RBFOX1: variants seen among roughly 807,000 people sequenced by gnomAD.
RBFOX1 encodes the protein RNA binding fox-1 homolog 1.
In RBFOX1, 8 loss-of-function variants were observed where a neutral mutation model predicts 57.7. The observed-to-expected ratio is 0.14, with a 90% CI of 0.08 to 0.25. RBFOX1 has a LOEUF of 0.25. RBFOX1 is among the 10% of genes least tolerant of loss of function. The pLI is 1.00. For missense variants in RBFOX1, 611 were observed against 548.5 expected (o/e 1.11, Z -1.14); for synonymous variants, 326 against 222.4 (o/e 1.47, Z -4.15).
At chr16:7,353,214 C>G (rs2097158515) in intron 4 of RBFOX1, among the ~76,000 whole-genome samples, 2 of 152,094 alleles carry the variant, frequency 1.3e-5, no homozygotes, top group African/African-American at 4.8e-5. Flanking sequence ...TCTAATTTAA[C>G]TGGACATTCA....
intron 4 of RBFOX1, among the ~76,000 whole-genome samples, chr16:7,308,523 G>T (rs932024330): frequency 2.6e-5 from 4 of 152,126 alleles, no homozygotes; most frequent in Non-Finnish European, 4.4e-5. Context: ...TCTAAAGTGG[G>T]CCATGCCACT....
At position 7,514,064 on chromosome 16, in the gene RBFOX1, C is replaced by G. The variant is rs1380128060; in HGVS notation, c.28-4083C>G. ...CAATAATGGCTTCTTAACTGGTGAT[C>G]CCATATCTAATGACATTCTGCCACA... On this transcript the variant is annotated intron_variant, in intron 4 of 15. Coordinates refer to ENST00000550418, the MANE Select transcript of RBFOX1 (RefSeq NM_018723.4). Among the ~76,000 whole-genome samples, 4 of 152,052 alleles carry G rather than the reference C, an allele frequency of 2.6e-5. No individual in the cohort carries two copies. In the East Asian group the frequency reaches 7.7e-4, roughly 29 times the overall value.
intron 2 of RBFOX1, among the ~76,000 whole-genome samples, chr16:6,446,408 T>C (rs935920035): frequency 1.6e-4 from 24 of 152,330 alleles, no homozygotes; most frequent in African/African-American, 5.5e-4. Flanking sequence ...AATCACTTCA[T>C]TGTTTTCGGA....
intron 4 of RBFOX1, among the ~76,000 whole-genome samples, chr16:7,481,796 A>C (rs2064013590): frequency 6.6e-6 from 1 of 152,160 alleles, no homozygotes; most frequent in Non-Finnish European, 1.5e-5. Flanking sequence ...TCACCTACTC[A>C]ACATCACAGC....
At chr16:7,683,554 C>T (rs541944760) in intron 14 of RBFOX1, among the ~76,000 whole-genome samples, 9 of 152,190 alleles carry the variant, frequency 5.9e-5, no homozygotes, top group Non-Finnish European at 1.2e-4. Context: ...CCAAGCCCAA[C>T]AGACCGTAGC....
chr16:7,394,235 C>CAAA lies in RBFOX1; in HGVS notation c.28-123885_28-123883dup, dbSNP rs59934126. On this transcript the variant is annotated intron_variant, in intron 4 of 15. Coordinates refer to ENST00000550418, the MANE Select transcript of RBFOX1 (RefSeq NM_018723.4). ...TGGGCAACAGAGCAAGACTCCGCAT[C>CAAA]AAAAAAAAAAAAAAAAAAAAAAAAA... 5.0e-3 allele frequency among the ~76,000 whole-genome samples: 273 copies of CAAA among 55,062 alleles called. 4 individuals are homozygous for CAAA. The highest frequency in any genetic ancestry group is 0.022 in the Middle Eastern group (1 of 46). The allele number at this position is 55,062 out of a possible 152,430, so 36.1% of individuals were successfully genotyped here. A position where few individuals can be genotyped will look rare whatever the true frequency, so the allele number is the denominator to read the frequency against.
chr16:6,226,128 G>A (rs2097415535), intron 1 of RBFOX1, among the ~76,000 whole-genome samples: 1 of 151,152 alleles, frequency 6.6e-6, no homozygotes, highest in Non-Finnish European at 1.5e-5. Flanking sequence ...GGGAGGCCGA[G>A]GTGGGAGGAT....
chr16:5,515,617 A>G (rs548952259), intron 2 of RBFOX1, among the ~76,000 whole-genome samples: 1 of 152,336 alleles, frequency 6.6e-6, no homozygotes, highest in Admixed American at 6.5e-5. Context: ...ATGCCTGATC[A>G]ATTTGGGTAC....
intron 2 of RBFOX1, among the ~76,000 whole-genome samples, chr16:6,390,021 T>C (rs113906126): frequency 6.6e-6 from 1 of 152,154 alleles, no homozygotes; most frequent in African/African-American, 2.4e-5. Context: ...GCTAAATTGC[T>C]TTTGGTCAGG....
chr16:6,886,511 G>A (rs994951604), intron 3 of RBFOX1, among the ~76,000 whole-genome samples: 1 of 152,034 alleles, frequency 6.6e-6, no homozygotes, highest in East Asian at 1.9e-4. Flanking sequence ...CCAGCACTTT[G>A]AGAGGCCAAG....
intron 5 of RBFOX1, among the ~76,000 whole-genome samples, chr16:7,532,343 G>T (rs950967416): frequency 6.6e-6 from 1 of 152,114 alleles, no homozygotes; most frequent in Non-Finnish European, 1.5e-5. Context: ...GCCAGCTTCG[G>T]GGAGATGAGC....
chr16:7,644,722 G>C (rs2063430222), intron 11 of RBFOX1, among the ~76,000 whole-genome samples: 1 of 152,216 alleles, frequency 6.6e-6, no homozygotes, highest in Non-Finnish European at 1.5e-5. Flanking sequence ...TCCCTATAGA[G>C]AGATGTATAA....
At chr16:7,641,867 A>G (rs909977816) in intron 11 of RBFOX1, among the ~76,000 whole-genome samples, 1 of 152,194 alleles carries the variant, frequency 6.6e-6, no homozygotes, top group Non-Finnish European at 1.5e-5. Context: ...ATTGTTGTGC[A>G]GCGTCCTCCA....
Position 6,003,281 on chromosome 16 carries a change from CAAA to C in RBFOX1, c.351+135961_351+135963del, listed in dbSNP as rs59758084. The stretch of plus-strand genomic sequence containing the variant: ...GCGACAGAGAGCAAGACTCTGTCTC[CAAA>C]AAAAAAAAAAAAAAGCAATGAGAGG... On this transcript the variant is annotated intron_variant, in intron 4 of 19. Transcript: ENST00000641259. 2.3e-4 allele frequency among the ~76,000 whole-genome samples: 18 copies of C among 77,556 alleles called. No individual in the cohort carries two copies. In the East Asian group the frequency reaches 3.1e-3, roughly 13 times the overall value. 50.9% of individuals were successfully genotyped at this position (77,556 alleles called of 152,430 possible).
chr16:5,549,979 T>G (rs944123463), intron 2 of RBFOX1, among the ~76,000 whole-genome samples: 2 of 152,240 alleles, frequency 1.3e-5, no homozygotes, highest in African/African-American at 2.4e-5. Context: ...GATGCTTGTA[T>G]TTTGCATATT....
At chr16:6,303,503 G>C (rs776104986) in intron 1 of RBFOX1, among the ~76,000 whole-genome samples, 1 of 152,088 alleles carries the variant, frequency 6.6e-6, no homozygotes, top group Admixed American at 6.6e-5. Context: ...TGTAAATAAA[G>C]CAGTAGTCTG....
At chr16:6,576,030 C>T (rs1010998557) in intron 2 of RBFOX1, among the ~76,000 whole-genome samples, 1 of 152,200 alleles carries the variant, frequency 6.6e-6, no homozygotes, top group African/African-American at 2.4e-5. Context: ...GCACCTCCCC[C>T]CATCACACAG....
intron 5 of RBFOX1, among the ~76,000 whole-genome samples, chr16:7,527,326 T>C (rs1323187355): frequency 6.6e-6 from 1 of 152,112 alleles, no homozygotes; most frequent in African/African-American, 2.4e-5. Context: ...ACTGTGCCTG[T>C]TTTATTATTT....
At position 7,101,334 on chromosome 16, in the gene RBFOX1, T is replaced by C. The variant is rs536403017; in HGVS notation, c.27+49236T>C. Among the ~76,000 whole-genome samples, 7 of 152,296 alleles carry C rather than the reference T, an allele frequency of 4.6e-5. No homozygotes were observed. The South Asian group carries it at 1.2e-3, about 27-fold the overall frequency. On this transcript the variant is annotated intron_variant, in intron 4 of 15. Coordinates refer to ENST00000550418, the MANE Select transcript of RBFOX1 (RefSeq NM_018723.4). ...TTGCGCTTGGAGAAAATGCTATTCATTGAAAATAAAAGGGAATTTAGGAAG... is the reference window on the plus strand; with the variant it reads ...TTGCGCTTGGAGAAAATGCTATTCACTGAAAATAAAAGGGAATTTAGGAAG...
Sources: gnomAD v4.1 joint callset for allele counts (sites outside exome capture counted in the v4.1 genomes callset) on GRCh38, gnomAD v4.1.1 for gene constraint, MANE v1.5 for transcripts, NCBI Gene and HGNC (gene_info 2026-07-23, HGNC 2026-07-21) for gene names.